The following RASGEF1B variants were observed in gnomAD, a reference collection of about 807,000 sequenced individuals.
RASGEF1B encodes the protein RasGEF domain family member 1B, also known as ras-GEF domain-containing family member 1B.
RASGEF1B carries 30 observed loss-of-function variants against 65.7 expected under a neutral mutation model. The ratio of observed to expected loss-of-function variants is 0.46; its 90% CI spans 0.34 to 0.62. The LOEUF (loss-of-function observed/expected upper bound fraction) is 0.62, where lower values mean the gene tolerates loss of function less well. Ranked by LOEUF, RASGEF1B falls within the 20% of genes least tolerant of loss-of-function variation. The pLI is 0.01. For synonymous variants in RASGEF1B, 175 were observed against 194.8 expected (o/e 0.90, Z 0.85); for missense variants, 495 against 580.1 (o/e 0.85, Z 1.51).
At chr4:81,462,878 A>G (rs1036865619) in intron 1 of RASGEF1B, among the ~76,000 whole-genome samples, 1 of 152,120 alleles carries the variant, frequency 6.6e-6, no homozygotes, top group African/African-American at 2.4e-5. Flanking sequence ...GGATTCTACA[A>G]CCACCTCATC....
chr4:81,445,265 A>G (rs1721976833), intron 8 of RASGEF1B, among the ~76,000 whole-genome samples: 1 of 152,226 alleles, frequency 6.6e-6, no homozygotes, highest in African/African-American at 2.4e-5. Context: ...ATGTAGACAA[A>G]TATCTTATGT....
intron 13 of RASGEF1B, among the ~76,000 whole-genome samples, chr4:81,429,821 C>T (rs1049680271): frequency 2.0e-5 from 3 of 151,970 alleles, no homozygotes; most frequent in Non-Finnish European, 2.9e-5. Context: ...GGCTGGTCGT[C>T]GAGAGGACAC....
chr4:81,429,083 G>C (rs561359025), intron 13 of RASGEF1B, among the ~76,000 whole-genome samples: 25 of 152,258 alleles, frequency 1.6e-4, no homozygotes, highest in Non-Finnish European at 3.1e-4. Context: ...GGAAGACCCT[G>C]TGCTTGCCCT....
At chr4:81,466,433 C>A (rs1722805058) in intron 1 of RASGEF1B, among the ~76,000 whole-genome samples, 2 of 152,110 alleles carry the variant, frequency 1.3e-5, no homozygotes, top group Non-Finnish European at 2.9e-5. Flanking sequence ...AAGTTTCTGA[C>A]ACTATTTAAA....
At chr4:81,456,532 C>T in intron 4 of RASGEF1B, 119 bp downstream of exon 4, 1 of 1,072,158 alleles carries the variant, frequency 9.3e-7, no homozygotes, top group Middle Eastern at 2.0e-4. Context: ...ATGTGGAGGG[C>T]TTGCCCAAAG....
At chr4:81,432,228 C>T (rs1008742629) in intron 13 of RASGEF1B, 71 bp downstream of exon 13, 13 of 931,704 alleles carry the variant, frequency 1.4e-5, no homozygotes, top group South Asian at 1.0e-4. Context: ...TCCTATAGAA[C>T]GCATGTGGCT....
chr4:81,466,257 G>C (rs1231331937), intron 1 of RASGEF1B, among the ~76,000 whole-genome samples: 1 of 152,094 alleles, frequency 6.6e-6, no homozygotes, highest in East Asian at 1.9e-4. Context: ...CTCCCTTGAA[G>C]CTGCATAGAT....
chr4:81,470,937 C>T (rs1187648991), intron 1 of RASGEF1B: 2 of 152,876 alleles, frequency 1.3e-5, no homozygotes, highest in South Asian at 4.1e-4. Flanking sequence ...TCGCCCTTTT[C>T]CCTGGTGCAG....
intron 10 of RASGEF1B, among the ~76,000 whole-genome samples, chr4:81,439,207 C>T (rs1298072106): frequency 6.6e-6 from 1 of 152,132 alleles, no homozygotes; most frequent in Non-Finnish European, 1.5e-5. Context: ...AATTTACTTT[C>T]CCAACAACAG....
chr4:81,445,686 A>C (rs974346584), intron 7 of RASGEF1B, 57 bp downstream of exon 7: 18 of 1,589,204 alleles, frequency 1.1e-5, no homozygotes, highest in Non-Finnish European at 1.6e-5. Context: ...AACAGTTCTA[A>C]AATAAGTATG....
chr4:81,449,060 C>T (rs760506211), intron 4 of RASGEF1B, among the ~76,000 whole-genome samples: 14 of 152,310 alleles, frequency 9.2e-5, no homozygotes, highest in Middle Eastern at 6.8e-3. Flanking sequence ...GATCCGCCTG[C>T]CTCAGCCTCC....
intron 10 of RASGEF1B, among the ~76,000 whole-genome samples, chr4:81,435,234 AC>A (rs1481608959): frequency 1.7e-4 from 26 of 151,512 alleles, no homozygotes; most frequent in Admixed American, 3.9e-4. Flanking sequence ...ACAAGGTGAA[AC>A]CCCGTCTCTA....
At chr4:81,441,887 ACAGGT>A (rs1160234306) in intron 9 of RASGEF1B, among the ~76,000 whole-genome samples, 1 of 152,072 alleles carries the variant, frequency 6.6e-6, no homozygotes, top group Non-Finnish European at 1.5e-5. Flanking sequence ...GGGCTTTTTC[ACAGGT>A]CAGCTAAATT....
At chr4:81,438,625 A>G (rs932823400) in intron 10 of RASGEF1B, among the ~76,000 whole-genome samples, 1 of 152,164 alleles carries the variant, frequency 6.6e-6, no homozygotes, top group Non-Finnish European at 1.5e-5. Flanking sequence ...ACATAGGTAT[A>G]CATGTGTCAT....
intron 8 of RASGEF1B, among the ~76,000 whole-genome samples, chr4:81,443,424 G>T (rs1399103088): frequency 6.6e-6 from 1 of 152,080 alleles, no homozygotes; most frequent in Non-Finnish European, 1.5e-5. Flanking sequence ...AGCTCCTTTG[G>T]ACCCTCTTTG....
At chr4:81,470,273 C>A (rs528405550) in intron 1 of RASGEF1B, among the ~76,000 whole-genome samples, 6 of 152,076 alleles carry the variant, frequency 3.9e-5, no homozygotes, top group African/African-American at 1.2e-4. Flanking sequence ...CTCATGGGAC[C>A]AGTTATTTTC....
intron 1 of RASGEF1B, among the ~76,000 whole-genome samples, chr4:81,466,771 AAAGAAAGAAAGAAAG>A (rs1176976260): frequency 1.5e-4 from 4 of 26,732 alleles, no homozygotes; most frequent in African/African-American, 5.0e-4. Context: ...AAAAAAAAAA[AAAGAAAGAAAGAAAG>A]AAAGAAAGAA....
intron 8 of RASGEF1B, among the ~76,000 whole-genome samples, chr4:81,444,059 G>C (rs1011498013): frequency 6.6e-6 from 1 of 152,034 alleles, no homozygotes; most frequent in East Asian, 1.9e-4. Context: ...TCAGATACTC[G>C]TTAGCCATTA....
chr4:81,460,797 A>G (rs1462109212), intron 1 of RASGEF1B, among the ~76,000 whole-genome samples: 1 of 152,234 alleles, frequency 6.6e-6, no homozygotes, highest in Non-Finnish European at 1.5e-5. Flanking sequence ...GATAAAAACC[A>G]ACTTCATTTC....
Sources: gnomAD v4.1 joint callset for allele counts (sites outside exome capture counted in the v4.1 genomes callset) on GRCh38, gnomAD v4.1.1 for gene constraint, MANE v1.5 for transcripts, NCBI Gene and HGNC (gene_info 2026-07-23, HGNC 2026-07-21) for gene names.